Variants in VWC2 observed in about 807,000 individuals in gnomAD.
VWC2 encodes brorin.
In VWC2, 14 loss-of-function variants were observed where a neutral mutation model predicts 29.8. That is an observed-to-expected ratio of 0.47 (90% CI 0.31 to 0.74). The LOEUF is 0.74. Ranked by LOEUF, VWC2 falls within the 30% of genes least tolerant of loss-of-function variation. VWC2 has a pLI of 0.05. For synonymous variants in VWC2, 213 were observed against 199.0 expected, an observed-to-expected ratio of 1.07 and a Z score of -0.59; for missense variants, 457 against 459.8, an observed-to-expected ratio of 0.99 and a Z score of 0.05.
intron 3 of VWC2, among the ~76,000 whole-genome samples, chr7:49,856,776 G>A (rs982433181): frequency 6.6e-6 from 1 of 151,988 alleles, no homozygotes; most frequent in Admixed American, 6.6e-5. Flanking sequence ...TTGGGAGGCC[G>A]AGGTGGGCGG....
intron 3 of VWC2, among the ~76,000 whole-genome samples, chr7:49,812,286 GGTGA>G (rs1789031817): frequency 6.6e-6 from 1 of 152,024 alleles, no homozygotes; most frequent in Non-Finnish European, 1.5e-5. Flanking sequence ...ACTTACACTG[GGTGA>G]GTTTTATGGT....
At chr7:49,888,638 C>T (rs889058155) in intron 3 of VWC2, among the ~76,000 whole-genome samples, 8 of 152,250 alleles carry the variant, frequency 5.3e-5, no homozygotes, top group South Asian at 2.1e-4. Flanking sequence ...TTGCCAGGCG[C>T]GGTGGCTCAC....
chr7:49,839,800 G>A (rs1456136855), intron 3 of VWC2, among the ~76,000 whole-genome samples: 3 of 152,340 alleles, frequency 2.0e-5, no homozygotes, highest in Non-Finnish European at 4.4e-5. Flanking sequence ...ATGAACTCAA[G>A]TTAGGAGTGA....
chr7:49,865,793 A>C (rs368393134), intron 3 of VWC2, among the ~76,000 whole-genome samples: 112 of 152,272 alleles, frequency 7.4e-4, no homozygotes, highest in African/African-American at 2.6e-3. Context: ...CTTGCAAGAT[A>C]TATCAACCTT....
In VWC2 at chr7:49,875,394, A is replaced by AC. The variant is rs1791368705; in HGVS notation, c.827-36640_827-36639insC. 1.3e-5 allele frequency among the ~76,000 whole-genome samples: 2 copies of AC among 150,320 alleles called. 1 individual carries two copies. ...CAAAAAAAAAAAAAAAAAAAAAAAA[A>AC]AAACAGGAATAAATGTCATGTTACA... On this transcript the variant is annotated intron_variant, in intron 3 of 3. Coordinates refer to ENST00000340652, the MANE Select transcript of VWC2 (RefSeq NM_198570.5).
intron 3 of VWC2, among the ~76,000 whole-genome samples, chr7:49,874,177 C>T (rs1159655611): frequency 6.6e-6 from 1 of 151,488 alleles, no homozygotes; most frequent in African/African-American, 2.5e-5. Flanking sequence ...TACATGCACA[C>T]ACCCACACAC....
At chr7:49,785,129 A>G (rs1788266355) in intron 2 of VWC2, among the ~76,000 whole-genome samples, 1 of 152,224 alleles carries the variant, frequency 6.6e-6, no homozygotes, top group Non-Finnish European at 1.5e-5. Context: ...CATTTAATGA[A>G]TGATATCAAT....
chr7:49,820,616 A>C (rs1254601151), intron 3 of VWC2, among the ~76,000 whole-genome samples: 5 of 152,246 alleles, frequency 3.3e-5, no homozygotes, highest in Non-Finnish European at 1.5e-5. Flanking sequence ...CAAAAATTCT[A>C]ATGGAACTGA....
At chr7:49,824,117 C>T (rs1789334805) in intron 3 of VWC2, among the ~76,000 whole-genome samples, 1 of 151,938 alleles carries the variant, frequency 6.6e-6, no homozygotes, top group Non-Finnish European at 1.5e-5. Context: ...TGATAAAGTT[C>T]AGTTTCTCAA....
chr7:49,877,929 T>C (rs7797267), intron 3 of VWC2, among the ~76,000 whole-genome samples: 107,334 of 151,828 alleles, frequency 0.71, 38,424 homozygotes, highest in East Asian at 0.88. Context: ...TTGAAAAACA[T>C]AGGTTCTGTC....
At chr7:49,867,113 A>T (rs1236813179) in intron 3 of VWC2, among the ~76,000 whole-genome samples, 1 of 152,214 alleles carries the variant, frequency 6.6e-6, no homozygotes, top group East Asian at 1.9e-4. Context: ...GGGGTCCTGC[A>T]GCTATGTGGG....
At chr7:49,877,592 C>A (rs1482990881) in intron 3 of VWC2, among the ~76,000 whole-genome samples, 2 of 138,312 alleles carry the variant, frequency 1.4e-5, no homozygotes, top group Non-Finnish European at 3.1e-5. Context: ...TGACTGAAGT[C>A]CAGACTCATG....
At chr7:49,860,041 A>G (rs372264854) in intron 3 of VWC2, among the ~76,000 whole-genome samples, 2 of 152,136 alleles carry the variant, frequency 1.3e-5, no homozygotes, top group Non-Finnish European at 2.9e-5. Flanking sequence ...TTAAAGTTTC[A>G]TAATTTTATC....
At chr7:49,777,126 C>T (rs1355837835) in intron 2 of VWC2, among the ~76,000 whole-genome samples, 1 of 152,186 alleles carries the variant, frequency 6.6e-6, no homozygotes, top group Non-Finnish European at 1.5e-5. Context: ...ATTCCAAACA[C>T]CTCAAGGTAG....
chr7:49,788,529 GAC>G (rs554850359), intron 2 of VWC2, among the ~76,000 whole-genome samples: 128 of 151,752 alleles, frequency 8.4e-4, no homozygotes, highest in African/African-American at 2.1e-3. Flanking sequence ...GTGGGTGTGA[GAC>G]AGTGTGAGTG....
rs965356283 is a variant in VWC2, at chr7:49,917,475, T to A, written c.*5290T>A. ...TTTATGATTTAAGACGTGCATACTG[T>A]TTAACTCTTTCCTTTAAAGTTCAGA... is the stretch of plus-strand genomic sequence containing the variant. On this transcript the variant is annotated 3_prime_UTR_variant, in exon 4 of 4. Transcript: ENST00000340652. 2 of 152,296 alleles carry A rather than the reference T, an allele frequency of 1.3e-5. No individual in the cohort carries two copies. The highest frequency in any genetic ancestry group is 4.1e-4 in the South Asian group (2 of 4,830). The allele number at this position is 152,296 out of a possible 1,614,324, so 9.4% of individuals were successfully genotyped here.
chr7:49,826,536 G>T (rs1789395679), intron 3 of VWC2, among the ~76,000 whole-genome samples: 1 of 152,092 alleles, frequency 6.6e-6, no homozygotes, highest in Non-Finnish European at 1.5e-5. Context: ...GTCTTTAGAA[G>T]TGCACAAATG....
chr7:49,845,061 A>T (rs1304615450), intron 3 of VWC2, among the ~76,000 whole-genome samples: 1 of 152,118 alleles, frequency 6.6e-6, no homozygotes, highest in Admixed American at 6.5e-5. Flanking sequence ...GTTCTCACTT[A>T]TAAATGGGAG....
chr7:49,911,353 G>A lies in VWC2; in HGVS notation c.827-681G>A, dbSNP rs372831329. Among the ~76,000 whole-genome samples the A allele has an allele frequency of 1.5e-3, 228 of 151,656 alleles. 3 individuals carry two copies. The highest frequency in any genetic ancestry group is 5.3e-3 in the African/African-American group (218 of 41,386). ...AAAAATTAGCTGGGTGTGGTGGCACGCCCCTATAGTCCCAGCTACTCTGGA... is the reference window on the plus strand; with the variant it reads ...AAAAATTAGCTGGGTGTGGTGGCACACCCCTATAGTCCCAGCTACTCTGGA... On this transcript the variant is annotated intron_variant, in intron 3 of 3. Coordinates refer to ENST00000340652, the MANE Select transcript of VWC2 (RefSeq NM_198570.5).
Sources: allele counts gnomAD v4.1 joint callset (sites outside exome capture counted in the v4.1 genomes callset), GRCh38; gene constraint gnomAD v4.1.1; transcripts MANE v1.5; gene names NCBI Gene and HGNC (gene_info 2026-07-23, HGNC 2026-07-21).